The following RAI14 variants were observed in gnomAD, a reference collection of about 807,000 sequenced individuals.
RAI14 encodes retinoic acid induced 14.
RAI14 carries 45 observed loss-of-function variants against 115.4 expected under a neutral mutation model. The observed-to-expected ratio is 0.39, with a 90% CI of 0.31 to 0.50. The LOEUF (loss-of-function observed/expected upper bound fraction) is 0.50, where lower values mean the gene tolerates loss of function less well. Ranked by LOEUF, RAI14 falls within the 20% of genes least tolerant of loss-of-function variation. The pLI is 0.85. For synonymous variants in RAI14, 371 were observed against 415.4 expected (o/e 0.89, Z 1.30); for missense variants, 939 against 1,131.2 (o/e 0.83, Z 2.44).
intron 1 of RAI14, among the ~76,000 whole-genome samples, chr5:34,672,408 G>T (rs1036104242): frequency 1.3e-5 from 2 of 152,174 alleles, no homozygotes; most frequent in African/African-American, 2.4e-5. Context: ...AGCATATTCA[G>T]TCTTTACTGG....
intron 2 of RAI14, among the ~76,000 whole-genome samples, chr5:34,749,738 A>G (rs1050839824): frequency 6.6e-6 from 1 of 152,232 alleles, no homozygotes; most frequent in Non-Finnish European, 1.5e-5. Context: ...TCTTTCCCAC[A>G]TGCCGCCCTT....
intron 3 of RAI14, among the ~76,000 whole-genome samples, chr5:34,767,591 G>GCCCCCCCCCCCCCCCCCCCCC (rs1561334151): frequency 3.4e-5 from 4 of 116,750 alleles, no homozygotes; most frequent in African/African-American, 1.0e-4. Context: ...CACCGCCACC[G>GCCCCCCCCCCCCCCCCCCCCC]CCCCCACCAC....
intron 1 of RAI14, among the ~76,000 whole-genome samples, chr5:34,678,103 TG>T (rs11302471): frequency 0.39 from 57,335 of 148,332 alleles, 12,544 homozygotes; most frequent in South Asian, 0.6. Context: ...TGTTTTGTTT[TG>T]TTTTTTTTTT....
chr5:34,741,287 G>A (rs550596999), intron 2 of RAI14, among the ~76,000 whole-genome samples: 1 of 152,318 alleles, frequency 6.6e-6, no homozygotes, highest in South Asian at 2.1e-4. Flanking sequence ...TTACAATGGA[G>A]AAAACAGAGG....
chr5:34,809,853 C>T (rs533760888), intron 7 of RAI14, among the ~76,000 whole-genome samples: 1 of 152,202 alleles, frequency 6.6e-6, no homozygotes, highest in South Asian at 2.1e-4. Context: ...ACTTTGAAGA[C>T]CATTACTAGG....
rs1371781077 is a variant in RAI14, at chr5:34,670,201, A to G, written c.-49+13726A>G. ...CTTTGAAGGCAACTGAATTTTTTCT[A>G]TTAAGTACTAAAAAGATTGGTCAGT... On this transcript the variant is annotated intron_variant, in intron 1 of 17. Transcript: ENST00000265109. Among the ~76,000 whole-genome samples, 6 of 152,312 alleles carry G rather than the reference A, an allele frequency of 3.9e-5. No homozygotes were observed. The East Asian group carries it at 1.2e-3, about 29-fold the overall frequency.
intron 1 of RAI14, among the ~76,000 whole-genome samples, chr5:34,658,387 G>A (rs374916621): frequency 6.6e-6 from 1 of 152,140 alleles, no homozygotes; most frequent in Non-Finnish European, 1.5e-5. Context: ...AGCAGATTTG[G>A]AGGTTAAGAA....
At chr5:34,806,338 G>T (rs1340163858) in intron 5 of RAI14, among the ~76,000 whole-genome samples, 3 of 152,174 alleles carry the variant, frequency 2.0e-5, no homozygotes, top group Non-Finnish European at 4.4e-5. Context: ...TTCATCCTAA[G>T]TACAGCATGG....
At chr5:34,739,093 G>A (rs571462486) in intron 2 of RAI14, among the ~76,000 whole-genome samples, 154 of 152,268 alleles carry the variant, frequency 1.0e-3, no homozygotes, top group Admixed American at 2.0e-3. Context: ...AAAAAGAAGC[G>A]CTATTCAAAA....
chr5:34,687,211 C>G (rs183928810), intron 2 of RAI14, among the ~76,000 whole-genome samples: 7 of 152,036 alleles, frequency 4.6e-5, no homozygotes, highest in African/African-American at 1.7e-4. Flanking sequence ...AGAAAGGAAC[C>G]GTCACATTAA....
intron 3 of RAI14, among the ~76,000 whole-genome samples, chr5:34,784,877 G>A (rs1279206260): frequency 6.6e-6 from 1 of 152,172 alleles, no homozygotes; most frequent in Non-Finnish European, 1.5e-5. Flanking sequence ...GCTTAGAGCA[G>A]GTCGTATCCA....
At chr5:34,809,138 C>T (rs1202014360) in intron 7 of RAI14, among the ~76,000 whole-genome samples, 9 of 152,162 alleles carry the variant, frequency 5.9e-5, no homozygotes, top group Non-Finnish European at 8.8e-5. Context: ...ACTCTTAACC[C>T]TTTTCCCATT....
chr5:34,712,937 AG>A (rs1233662804), intron 2 of RAI14, among the ~76,000 whole-genome samples: 1 of 152,174 alleles, frequency 6.6e-6, no homozygotes, highest in Non-Finnish European at 1.5e-5. Flanking sequence ...AGGCAGCTTT[AG>A]GAAGAATTAT....
At chr5:34,733,812 A>C (rs1744497688) in intron 2 of RAI14, among the ~76,000 whole-genome samples, 2 of 152,298 alleles carry the variant, frequency 1.3e-5, no homozygotes, top group Non-Finnish European at 2.9e-5. Context: ...ATGTTAGCTC[A>C]GTGTCCCACA....
intron 1 of RAI14, among the ~76,000 whole-genome samples, chr5:34,674,502 T>C (rs1743832275): frequency 6.6e-6 from 1 of 152,154 alleles, no homozygotes; most frequent in South Asian, 2.1e-4. Context: ...ATAGAACCTG[T>C]TCTCTTACTC....
chr5:34,732,442 T>TC, intron 2 of RAI14, among the ~76,000 whole-genome samples: 2 of 54,702 alleles, frequency 3.7e-5, no homozygotes, highest in Admixed American at 1.5e-4. Flanking sequence ...ATGCTTGATT[T>TC]TTTTTTTTTT....
intron 2 of RAI14, among the ~76,000 whole-genome samples, chr5:34,747,387 A>C (rs533204044): frequency 2.6e-5 from 4 of 152,346 alleles, no homozygotes; most frequent in African/African-American, 7.2e-5. Context: ...AGTCCACAGC[A>C]CTAGTCTAGC....
chr5:34,793,301 T>C (rs1268642072), intron 3 of RAI14, among the ~76,000 whole-genome samples: 1 of 152,212 alleles, frequency 6.6e-6, no homozygotes, highest in African/African-American at 2.4e-5. Context: ...TCAGACTGCA[T>C]TTACCAATGT....
intron 2 of RAI14, among the ~76,000 whole-genome samples, chr5:34,719,129 C>T (rs930541687): frequency 7.0e-6 from 1 of 143,216 alleles, no homozygotes; most frequent in African/African-American, 2.7e-5. Context: ...TGTGGAACTT[C>T]AGCTGGGCAG....
Sources: allele counts gnomAD v4.1 joint callset (sites outside exome capture counted in the v4.1 genomes callset), GRCh38; gene constraint gnomAD v4.1.1; transcripts MANE v1.5; gene names NCBI Gene and HGNC (gene_info 2026-07-23, HGNC 2026-07-21).